SMARCB1: variants seen among roughly 807,000 people sequenced by gnomAD.
The protein encoded by SMARCB1 is SWI/SNF-related matrix-associated actin-dependent regulator of chromatin subfamily B member 1.
SMARCB1 carries 5 observed loss-of-function variants against 49.0 expected under a neutral mutation model. The ratio of observed to expected loss-of-function variants is 0.10; its 90% CI spans 0.05 to 0.21. SMARCB1 has a LOEUF of 0.21. Among genes scored for constraint, SMARCB1 ranks in the 10% least tolerant of loss-of-function variants. The probability of loss-of-function intolerance (pLI) is 1.00; values close to 1 mark genes in which losing one functional copy is unlikely to be tolerated. For missense variants in SMARCB1, 226 were observed against 509.2 expected, an observed-to-expected ratio of 0.44 and a Z score of 5.35; for synonymous variants, 201 against 200.1, an observed-to-expected ratio of 1.00 and a Z score of -0.04.
chr22:23,803,586 C>T lies in SMARCB1; in HGVS notation c.628+164C>T, dbSNP rs567209077. On this transcript the variant is annotated intron_variant, in intron 5 of 8. Coordinates refer to ENST00000644036, the MANE Select transcript of SMARCB1 (RefSeq NM_003073.5). ...GTGGGCTCTGGGTTCAGTCCTGGTT[C>T]TGTTGCTGTTCACTGTGGATTGGGC... 7.9e-5 allele frequency: 63 copies of T among 798,454 alleles called. 1 individual carries two copies. The South Asian group carries it at 8.9e-4, about 11-fold the overall frequency. 49.5% of individuals were successfully genotyped at this position (798,454 alleles called of 1,614,324 possible).
rs1180868186 is a variant in SMARCB1 at position 23,837,745 on chromosome 22, A to T, written c.*3565A>T. ...CAGGAACGGTGCCTGGAAAGTGAGCAGGCCGAAGAAGTTGACCCTCACCCG... is the reference window on the plus strand; with the variant it reads ...CAGGAACGGTGCCTGGAAAGTGAGCTGGCCGAAGAAGTTGACCCTCACCCG... On this transcript the variant is annotated 3_prime_UTR_variant, in exon 9 of 9. Coordinates refer to ENST00000644036, the MANE Select transcript of SMARCB1 (RefSeq NM_003073.5). 3.1e-6 allele frequency: 5 copies of T among 1,614,064 alleles called. No individual in the cohort carries two copies. The Admixed American group carries it at 5.0e-5, about 16-fold the overall frequency.
At chr22:23,792,240 A>C (rs1243452935) in intron 2 of SMARCB1, 1 of 363,434 alleles carries the variant, frequency 2.8e-6, no homozygotes. Flanking sequence ...TCTTCCATGC[A>C]GCCCAAGTGG....
chr22:23,826,749 C>G (rs2030400983), intron 7 of SMARCB1, among the ~76,000 whole-genome samples: 1 of 152,214 alleles, frequency 6.6e-6, no homozygotes, highest in Non-Finnish European at 1.5e-5. Flanking sequence ...CAAGAGACAG[C>G]TTTCTATGAC....
chr22:23,829,849 C>T (rs2030567369), intron 7 of SMARCB1, among the ~76,000 whole-genome samples: 1 of 152,220 alleles, frequency 6.6e-6, no homozygotes, highest in Non-Finnish European at 1.5e-5. Context: ...TAGGTGTCCA[C>T]TCATCCACTT....
intron 3 of SMARCB1, among the ~76,000 whole-genome samples, chr22:23,798,681 T>A (rs1292715096): frequency 6.6e-6 from 1 of 152,096 alleles, no homozygotes; most frequent in Non-Finnish European, 1.5e-5. Context: ...GGCCATTGCT[T>A]CTGCCCTCCC....
chr22:23,822,560 C>T (rs74546375), intron 6 of SMARCB1, among the ~76,000 whole-genome samples: 18,815 of 152,162 alleles, frequency 0.12, 1,248 homozygotes, highest in South Asian at 0.27. Context: ...CCCAAAATAC[C>T]GCAGAAGCTT....
chr22:23,819,576 CAA>C (rs2029967440), intron 6 of SMARCB1, among the ~76,000 whole-genome samples: 1 of 152,140 alleles, frequency 6.6e-6, no homozygotes, highest in African/African-American at 2.4e-5. Context: ...CTCCCAAACT[CAA>C]ATGATCTGCC....
rs147866153 is a variant in SMARCB1 at position 23,835,543 on chromosome 22, C to T, written c.*1363C>T. The T allele has an allele frequency of 1.2e-3, 1,209 of 985,496 alleles. 9 individuals are homozygous for T. In the African/African-American group the frequency reaches 0.018, roughly 15 times the overall value. 61.0% of individuals were successfully genotyped at this position (985,496 alleles called of 1,614,324 possible). On this transcript the variant is annotated 3_prime_UTR_variant, in exon 9 of 9. Coordinates refer to ENST00000644036, the MANE Select transcript of SMARCB1 (RefSeq NM_003073.5). Reference sequence around the variant, plus strand: ...TTTGAGCACATGTTAGCATGGGACTCTTCCCAGGGAGTTTGCACTCAGGGC... The same window carrying T: ...TTTGAGCACATGTTAGCATGGGACTTTTCCCAGGGAGTTTGCACTCAGGGC...
intron 7 of SMARCB1, among the ~76,000 whole-genome samples, chr22:23,831,742 G>T (rs1039082695): frequency 1.3e-5 from 2 of 152,166 alleles, no homozygotes; most frequent in Admixed American, 6.5e-5. Context: ...TTGTGGGCTT[G>T]GTACCTTTCA....
intron 6 of SMARCB1, among the ~76,000 whole-genome samples, chr22:23,822,229 C>T (rs2030130558): frequency 6.6e-6 from 1 of 152,224 alleles, no homozygotes; most frequent in Non-Finnish European, 1.5e-5. Context: ...TGCCCAGTTC[C>T]AGCAGGGGTT....
At chr22:23,795,292 GC>G (rs1256448918) in intron 3 of SMARCB1, among the ~76,000 whole-genome samples, 2 of 152,084 alleles carry the variant, frequency 1.3e-5, no homozygotes, top group African/African-American at 4.8e-5. Context: ...AAAAAAATTA[GC>G]TGAGTGTGGT....
At chr22:23,798,464 A>T (rs1266166915) in intron 3 of SMARCB1, among the ~76,000 whole-genome samples, 1 of 152,146 alleles carries the variant, frequency 6.6e-6, no homozygotes, top group Non-Finnish European at 1.5e-5. Context: ...TATGACCCAG[A>T]TAGGTTGTAG....
At chr22:23,807,649 T>A (rs1276154660) in intron 5 of SMARCB1, among the ~76,000 whole-genome samples, 3 of 151,596 alleles carry the variant, frequency 2.0e-5, no homozygotes, top group Non-Finnish European at 4.4e-5. Context: ...CCAACATGAT[T>A]AACCCAAAGC....
chr22:23,837,313 G>C lies in SMARCB1; in HGVS notation c.*3133G>C, dbSNP rs955825409. ...ACAGAGTGCCAGCCCCGGGTTGGCC[G>C]TGAAGGACAAGCTTAAAAGGCCCAG... On this transcript the variant is annotated 3_prime_UTR_variant, in exon 9 of 9. Coordinates refer to ENST00000644036, the MANE Select transcript of SMARCB1 (RefSeq NM_003073.5). 1 of 973,324 alleles carries C rather than the reference G, an allele frequency of 1.0e-6. No individual in the cohort carries two copies. The highest frequency in any genetic ancestry group is 2.8e-5 in the Admixed American group (1 of 35,632). 60.3% of individuals were successfully genotyped at this position (973,324 alleles called of 1,614,324 possible).
At chr22:23,828,842 G>T (rs976146677) in intron 7 of SMARCB1, among the ~76,000 whole-genome samples, 1 of 152,182 alleles carries the variant, frequency 6.6e-6, no homozygotes, top group African/African-American at 2.4e-5. Flanking sequence ...ACATGTGTGT[G>T]CAAGGCCACT....
chr22:23,803,962 G>T (rs572606379), intron 5 of SMARCB1: 29 of 194,258 alleles, frequency 1.5e-4, no homozygotes, highest in Non-Finnish European at 3.2e-4. Flanking sequence ...AGAAGGATAT[G>T]CATCCCAGGT....
intron 6 of SMARCB1, chr22:23,823,106 C>CA (rs1323578194): frequency 6.6e-6 from 1 of 151,992 alleles, no homozygotes; most frequent in African/African-American, 2.4e-5. Context: ...TGTACCACCT[C>CA]ACCTTTCTCA....
chr22:23,787,021 C>CGGG lies in SMARCB1; in HGVS notation c.-149_-148insGGG. On this transcript the variant is annotated 5_prime_UTR_variant, in exon 1 of 9. Transcript: ENST00000644036. ...TCGTCGTCTGCGGCGGCGGCGGCGG[C>CGGG]TGAGGAGCCCGGCTGAGGCGCCAGT... is the stretch of plus-strand genomic sequence containing the variant. 1 of 522,562 alleles carries CGGG rather than the reference C, an allele frequency of 1.9e-6. No homozygotes were observed. Among genetic ancestry groups the CGGG allele is most frequent in the Non-Finnish European group, 3.3e-6 (1 of 299,922 alleles). The allele number at this position is 522,562 out of a possible 1,614,324, so 32.4% of individuals were successfully genotyped here.
chr22:23,815,343 GT>G (rs1271643153), intron 5 of SMARCB1: 1 of 152,176 alleles, frequency 6.6e-6, no homozygotes, highest in Non-Finnish European at 1.5e-5. Context: ...GACCATCCTG[GT>G]TAACATGGTG....
Sources: allele counts gnomAD v4.1 joint callset (sites outside exome capture counted in the v4.1 genomes callset), GRCh38; gene constraint gnomAD v4.1.1; transcripts MANE v1.5; gene names NCBI Gene and HGNC (gene_info 2026-07-23, HGNC 2026-07-21).